FMNL2: variants seen among roughly 807,000 people sequenced by gnomAD.
FMNL2 encodes formin like 2.
In FMNL2, 51 loss-of-function variants were observed where a neutral mutation model predicts 130.2. That is an observed-to-expected ratio of 0.39 (90% confidence interval 0.31 to 0.49). The LOEUF (loss-of-function observed/expected upper bound fraction) is 0.49, where lower values mean the gene tolerates loss of function less well. Among genes scored for constraint, FMNL2 ranks in the 20% least tolerant of loss-of-function variants. The pLI, the probability that FMNL2 is intolerant of heterozygous loss-of-function variation, is 0.85. For missense variants in FMNL2, 977 were observed against 1,316.2 expected (o/e 0.74, Z 3.99); for synonymous variants, 465 against 467.1 (o/e 1.00, Z 0.06).
At chr2:152,396,819 T>C (rs1320698921) in intron 1 of FMNL2, among the ~76,000 whole-genome samples, 2 of 152,206 alleles carry the variant, frequency 1.3e-5, no homozygotes, top group Admixed American at 1.3e-4. Context: ...GTAACAGTTA[T>C]TCAAAGAGCA....
At chr2:152,639,532 G>A (rs1041629557) in intron 23 of FMNL2, among the ~76,000 whole-genome samples, 5 of 152,180 alleles carry the variant, frequency 3.3e-5, no homozygotes, top group South Asian at 2.1e-4. Context: ...GTGAGGCCCC[G>A]AAAAGAAATG....
intron 9 of FMNL2, among the ~76,000 whole-genome samples, chr2:152,604,218 G>A (rs1207877396): frequency 4.0e-5 from 6 of 151,094 alleles, no homozygotes; most frequent in Non-Finnish European, 1.5e-5. Flanking sequence ...TCTGGGCTAT[G>A]TGGGAGAAGG....
At position 152,633,007 on chromosome 2, in the gene FMNL2, T is replaced by A. The variant is rs181233328; in HGVS notation, c.2680+870T>A. On this transcript the variant is annotated intron_variant, in intron 21 of 25. Coordinates refer to ENST00000288670, the MANE Select transcript of FMNL2 (RefSeq NM_052905.4). Reference sequence around the variant, plus strand: ...TGGTAAATGGCTGCTGCTTCTGTGTTCTCACTAAAGAACACTCTGGTCTAC... The same window carrying A: ...TGGTAAATGGCTGCTGCTTCTGTGTACTCACTAAAGAACACTCTGGTCTAC... Among the ~76,000 whole-genome samples the A allele has an allele frequency of 2.0e-4, 31 of 152,292 alleles. No homozygotes were observed. The East Asian group carries it at 5.8e-3, about 28-fold the overall frequency.
intron 2 of FMNL2, among the ~76,000 whole-genome samples, chr2:152,531,916 G>A (rs1211976294): frequency 6.6e-6 from 1 of 152,190 alleles, no homozygotes; most frequent in East Asian, 1.9e-4. Context: ...GTTTAGGGGT[G>A]AGGGTGAGGT....
intron 6 of FMNL2, among the ~76,000 whole-genome samples, chr2:152,563,521 G>A (rs971216759): frequency 1.3e-5 from 2 of 152,042 alleles, no homozygotes; most frequent in Non-Finnish European, 2.9e-5. Context: ...TCTGTATTTG[G>A]TCATTGGATA....
chr2:152,404,216 G>A (rs529033364), intron 1 of FMNL2, among the ~76,000 whole-genome samples: 18 of 152,116 alleles, frequency 1.2e-4, no homozygotes, highest in African/African-American at 3.9e-4. Flanking sequence ...ATGAATTAAT[G>A]CATCTTCAAT....
rs1580108049 is a variant in FMNL2, at chr2:152,616,998, G to C, written c.1213-93G>C. The stretch of plus-strand genomic sequence containing the variant: ...CTTGCGGAACACATGCAGGGCCCTG[G>C]TCCCTAATAATCTTGGAGCTGCACT... On this transcript the variant is annotated intron_variant, in intron 12 of 25. Transcript: ENST00000288670. 5 of 1,014,804 alleles carry C rather than the reference G, an allele frequency of 4.9e-6. No homozygotes were observed. The East Asian group carries it at 1.2e-4, about 25-fold the overall frequency. 62.9% of individuals were successfully genotyped at this position (1,014,804 alleles called of 1,614,324 possible). A position where few individuals can be genotyped will look rare whatever the true frequency, so the allele number is the denominator to read the frequency against.
chr2:152,644,032 C>T, intron 25 of FMNL2: 1 of 370,882 alleles, frequency 2.7e-6, no homozygotes. Context: ...GAGTTTGAGA[C>T]CAGCCTGGGT....
intron 1 of FMNL2, among the ~76,000 whole-genome samples, chr2:152,510,438 T>C (rs1558925363): frequency 6.6e-6 from 1 of 152,192 alleles, no homozygotes; most frequent in Non-Finnish European, 1.5e-5. Flanking sequence ...CAAAAAGATC[T>C]TGATGTTGTT....
At chr2:152,564,249 T>C (rs1275044679) in intron 6 of FMNL2, among the ~76,000 whole-genome samples, 1 of 152,198 alleles carries the variant, frequency 6.6e-6, no homozygotes, top group Non-Finnish European at 1.5e-5. Flanking sequence ...GTATATGTCT[T>C]CTGTATCCAA....
At chr2:152,554,025 C>G (rs1045727185) in intron 4 of FMNL2, among the ~76,000 whole-genome samples, 2 of 151,808 alleles carry the variant, frequency 1.3e-5, no homozygotes, top group Non-Finnish European at 2.9e-5. Context: ...TTAGTAGTAC[C>G]CCCAAAATTG....
chr2:152,478,174 T>G (rs1409050840), intron 1 of FMNL2, among the ~76,000 whole-genome samples: 2 of 150,520 alleles, frequency 1.3e-5, no homozygotes, highest in Admixed American at 6.6e-5. Flanking sequence ...TTTGGTTACA[T>G]TGTTTGAAAA....
chr2:152,402,091 A>T (rs930376765), intron 1 of FMNL2, among the ~76,000 whole-genome samples: 1 of 151,958 alleles, frequency 6.6e-6, no homozygotes, highest in East Asian at 1.9e-4. Flanking sequence ...TTTAGTAGAG[A>T]CAGGGTTTCA....
At chr2:152,616,727 T>C (rs1457324197) in intron 12 of FMNL2, among the ~76,000 whole-genome samples, 2 of 152,166 alleles carry the variant, frequency 1.3e-5, no homozygotes, top group Non-Finnish European at 2.9e-5. Flanking sequence ...TTTCAAAAGC[T>C]TTAGGCTGAT....
At chr2:152,564,723 A>G (rs1420121617) in intron 6 of FMNL2, among the ~76,000 whole-genome samples, 1 of 147,750 alleles carries the variant, frequency 6.8e-6, no homozygotes, top group Non-Finnish European at 1.5e-5. Context: ...ACAGAGCAAG[A>G]CTCAATCTCA....
intron 18 of FMNL2, 94 bp downstream of exon 18, chr2:152,628,627 G>A (rs1580133943): frequency 1.9e-6 from 2 of 1,062,510 alleles, no homozygotes; most frequent in South Asian, 2.9e-5. Context: ...CAGTGTGATG[G>A]GTTCTAAAGA....
At chr2:152,392,619 C>G (rs1258656494) in intron 1 of FMNL2, among the ~76,000 whole-genome samples, 1 of 152,116 alleles carries the variant, frequency 6.6e-6, no homozygotes, top group African/African-American at 2.4e-5. Context: ...GGAGTGAAGC[C>G]TCTTTTATAA....
At chr2:152,638,130 T>C (rs1201564568) in intron 23 of FMNL2, among the ~76,000 whole-genome samples, 1 of 152,194 alleles carries the variant, frequency 6.6e-6, no homozygotes, top group African/African-American at 2.4e-5. Flanking sequence ...ATTTCTCTAG[T>C]ATGGACTAAA....
At chr2:152,366,537 A>AC (rs1379599248) in intron 1 of FMNL2, among the ~76,000 whole-genome samples, 2 of 152,184 alleles carry the variant, frequency 1.3e-5, no homozygotes, top group East Asian at 1.9e-4. Context: ...CTTATTGAAC[A>AC]CCTGTGCTAA....
Sources: gnomAD v4.1 joint callset for allele counts (sites outside exome capture counted in the v4.1 genomes callset) on GRCh38, gnomAD v4.1.1 for gene constraint, MANE v1.5 for transcripts, NCBI Gene and HGNC (gene_info 2026-07-23, HGNC 2026-07-21) for gene names.